The following PARD3 variants were observed in gnomAD, a reference collection of about 807,000 sequenced individuals.
PARD3 encodes par-3 family cell polarity regulator.
Under a neutral mutation model 155.4 loss-of-function variants are expected in PARD3, and 75 were observed. The observed-to-expected ratio is 0.48, with a 90% confidence interval of 0.40 to 0.58. PARD3 has a LOEUF of 0.58. Among genes scored for constraint, PARD3 ranks in the 20% least tolerant of loss-of-function variants. The pLI is 0.00. For synonymous variants in PARD3, 576 were observed against 610.5 expected (o/e 0.94, Z 0.83); for missense variants, 1,642 against 1,721.7 (o/e 0.95, Z 0.82).
chr10:34,603,650 G>A (rs2089978670), intron 2 of PARD3, among the ~76,000 whole-genome samples: 1 of 152,240 alleles, frequency 6.6e-6, no homozygotes, highest in South Asian at 2.1e-4. Context: ...TAGAACCAGA[G>A]GCAAGTAATA....
intron 22 of PARD3, among the ~76,000 whole-genome samples, chr10:34,188,997 C>G (rs7899227): frequency 0.016 from 2,432 of 152,160 alleles, 72 homozygotes; most frequent in African/African-American, 0.056. Flanking sequence ...CAAGATCCTT[C>G]CAGAGGTTTT....
intron 11 of PARD3, among the ~76,000 whole-genome samples, chr10:34,373,855 T>C (rs1250517664): frequency 1.3e-5 from 2 of 151,858 alleles, no homozygotes; most frequent in Admixed American, 6.6e-5. Context: ...TAGAAATAGT[T>C]TATATAGAGA....
intron 2 of PARD3, among the ~76,000 whole-genome samples, chr10:34,532,242 T>A (rs943673005): frequency 6.6e-6 from 1 of 152,222 alleles, no homozygotes; most frequent in African/African-American, 2.4e-5. Context: ...CATATATTTT[T>A]AAATTTTTTT....
At chr10:34,528,054 T>C (rs2082597445) in intron 2 of PARD3, among the ~76,000 whole-genome samples, 2 of 152,222 alleles carry the variant, frequency 1.3e-5, no homozygotes. Flanking sequence ...ATAACCTGTT[T>C]AGCAATGTTT....
chr10:34,619,813 A>G (rs988667441), intron 2 of PARD3, among the ~76,000 whole-genome samples: 2 of 152,198 alleles, frequency 1.3e-5, no homozygotes, highest in Non-Finnish European at 2.9e-5. Context: ...CTCCACAGGC[A>G]GCCAACCTCA....
At position 34,312,283 on chromosome 10, in the gene PARD3, G is replaced by A. The variant is rs935075879; in HGVS notation, c.3065+4824C>T. 13 of 1,604,540 alleles carry A rather than the reference G, an allele frequency of 8.1e-6. No homozygotes were observed. The South Asian group carries it at 1.1e-4, about 14-fold the overall frequency. Reference sequence around the variant, plus strand: ...AGAATTCATTAAAAGTAAATTTATTGTTTGTTTAAAAAAAACAACAACTGT... The same window carrying A: ...AGAATTCATTAAAAGTAAATTTATTATTTGTTTAAAAAAAACAACAACTGT... On this transcript the variant is annotated intron_variant, in intron 20 of 24. Coordinates refer to ENST00000374788, the MANE Select transcript of PARD3 (RefSeq NM_001184785.2).
At chr10:34,794,281 T>A (rs1588782428) in intron 1 of PARD3, among the ~76,000 whole-genome samples, 2 of 152,222 alleles carry the variant, frequency 1.3e-5, no homozygotes, top group East Asian at 3.8e-4. Context: ...CTTTTTAATC[T>A]ACTACAGACA....
chr10:34,596,653 C>G (rs958841347), intron 2 of PARD3, among the ~76,000 whole-genome samples: 3 of 152,156 alleles, frequency 2.0e-5, no homozygotes, highest in South Asian at 2.1e-4. Context: ...TGGATTTCAA[C>G]TCAAGATGAG....
intron 1 of PARD3, among the ~76,000 whole-genome samples, chr10:34,790,577 C>T (rs917502139): frequency 6.6e-6 from 1 of 151,996 alleles, no homozygotes; most frequent in African/African-American, 2.4e-5. Context: ...AAATGAGAAG[C>T]TGAAGTACCA....
Position 34,450,322 on chromosome 10 carries a change from C to G in PARD3, c.709G>C (p.Glu237Gln), listed in dbSNP as rs2076989525. ...PMVGKWLEKQ[E>Q]QDEDGTEEDN... The stretch of plus-strand genomic sequence containing the variant: ...ATAAGGATTTGTCATGTTACCTGTT[C>G]TTGTTTCTCCAGCCACTTGCCCACC... The change falls in exon 5 of 25, where the codon GAA (glutamate) becomes CAA (glutamine). Residue 237 changes from glutamate to glutamine, a missense_variant. Coordinates refer to ENST00000374788, the MANE Select transcript of PARD3 (RefSeq NM_001184785.2). 9.9e-6 allele frequency: 16 copies of G among 1,613,210 alleles called. No individual in the cohort carries two copies. Among genetic ancestry groups the G allele is most frequent in the Non-Finnish European group, 1.4e-5 (16 of 1,179,700 alleles).
At chr10:34,231,738 G>A (rs916122492) in intron 22 of PARD3, among the ~76,000 whole-genome samples, 3 of 151,744 alleles carry the variant, frequency 2.0e-5, no homozygotes, top group Admixed American at 6.6e-5. Context: ...CAACAATGCC[G>A]ACTATTGGCA....
At chr10:34,210,172 TATC>T (rs199851927) in intron 22 of PARD3, among the ~76,000 whole-genome samples, 5 of 152,176 alleles carry the variant, frequency 3.3e-5, no homozygotes, top group Non-Finnish European at 7.3e-5. Flanking sequence ...TCTTCTCTGT[TATC>T]ATAATCAATG....
At chr10:34,326,878 GCA>G (rs1835084252) in intron 19 of PARD3, among the ~76,000 whole-genome samples, 1 of 152,104 alleles carries the variant, frequency 6.6e-6, no homozygotes. Flanking sequence ...TGTTTGCAAG[GCA>G]CAAAGTTTGT....
intron 2 of PARD3, among the ~76,000 whole-genome samples, chr10:34,550,066 ACAGGCTC>A (rs530813484): frequency 6.6e-6 from 1 of 152,246 alleles, no homozygotes; most frequent in East Asian, 1.9e-4. Context: ...AGAAAATCTC[ACAGGCTC>A]CATGAGGTGA....
At chr10:34,258,366 A>C (rs1954768038) in intron 22 of PARD3, among the ~76,000 whole-genome samples, 1 of 152,136 alleles carries the variant, frequency 6.6e-6, no homozygotes, top group African/African-American at 2.4e-5. Context: ...GTAATGGCAA[A>C]TTGGTAGGGC....
intron 22 of PARD3, among the ~76,000 whole-genome samples, chr10:34,268,950 G>A (rs1236712975): frequency 6.6e-6 from 1 of 151,916 alleles, no homozygotes; most frequent in Non-Finnish European, 1.5e-5. Context: ...AATAAAATAA[G>A]ATAAAACACA....
At chr10:34,150,385 T>C (rs1301740557) in intron 22 of PARD3, among the ~76,000 whole-genome samples, 2 of 152,142 alleles carry the variant, frequency 1.3e-5, no homozygotes, top group Admixed American at 6.5e-5. Context: ...GTGGATGAAA[T>C]CACAGTGATA....
chr10:34,653,018 G>A (rs146088995), intron 2 of PARD3, among the ~76,000 whole-genome samples: 7 of 152,022 alleles, frequency 4.6e-5, no homozygotes, highest in Non-Finnish European at 5.9e-5. Context: ...GCACAGACTC[G>A]CAAAAAACAA....
At chr10:34,321,064 A>G (rs1958343020) in intron 19 of PARD3, among the ~76,000 whole-genome samples, 1 of 152,226 alleles carries the variant, frequency 6.6e-6, no homozygotes, top group Non-Finnish European at 1.5e-5. Context: ...TGTAGTTTCA[A>G]AAGCTCAAAT....
Sources: allele counts gnomAD v4.1 joint callset (sites outside exome capture counted in the v4.1 genomes callset), GRCh38; gene constraint gnomAD v4.1.1; transcripts MANE v1.5; gene names NCBI Gene and HGNC (gene_info 2026-07-23, HGNC 2026-07-21).